The following CASD1 variants were observed in gnomAD, a reference collection of about 807,000 sequenced individuals.
CASD1 encodes the protein N-acetylneuraminate (7)9-O-acetyltransferase.
CASD1 carries 41 observed loss-of-function variants against 100.0 expected under a neutral mutation model. The ratio of observed to expected loss-of-function variants is 0.41; its 90% CI spans 0.32 to 0.53. The LOEUF (loss-of-function observed/expected upper bound fraction) is 0.53, where lower values mean the gene tolerates loss of function less well. Ranked by LOEUF, CASD1 falls within the 20% of genes least tolerant of loss-of-function variation. The pLI is 0.25. For missense variants in CASD1, 774 were observed against 948.7 expected, an observed-to-expected ratio of 0.82 and a Z score of 2.42; for synonymous variants, 321 against 315.6, an observed-to-expected ratio of 1.02 and a Z score of -0.18.
chr7:94,569,806 C>G, the CASD1 span, among the ~76,000 whole-genome samples: 1 of 148,988 alleles, frequency 6.7e-6, no homozygotes, highest in East Asian at 2.0e-4. Context: ...TTCTACCAAT[C>G]TCTGACTTTT....
At chr7:94,608,214 C>T in the CASD1 span, among the ~76,000 whole-genome samples, 2 of 152,138 alleles carry the variant, frequency 1.3e-5, no homozygotes, top group East Asian at 1.9e-4. Flanking sequence ...TGGTGGCACA[C>T]GCCTGTAGTC....
intron 3 of CASD1, among the ~76,000 whole-genome samples, chr7:94,520,427 T>G (rs192661108): frequency 1.3e-5 from 2 of 152,306 alleles, no homozygotes; most frequent in Admixed American, 1.3e-4. Context: ...AGAGGTGAAT[T>G]TTTTCAAATT....
At chr7:94,512,330 G>A (rs1248128120) in intron 1 of CASD1, among the ~76,000 whole-genome samples, 1 of 152,158 alleles carries the variant, frequency 6.6e-6, no homozygotes, top group African/African-American at 2.4e-5. Context: ...AAGCCATCCT[G>A]GGCCTCCAGC....
At chr7:94,561,285 A>G (rs1166642164), downstream of CASD1, among the ~76,000 whole-genome samples, 4 of 152,176 alleles carry the variant, frequency 2.6e-5, no homozygotes, top group Non-Finnish European at 5.9e-5. Flanking sequence ...GAGAGCTCTT[A>G]TAGTTTAGAA....
At chr7:94,619,328 G>A in the CASD1 span, 13 of 175,084 alleles carry the variant, frequency 7.4e-5, no homozygotes, top group Non-Finnish European at 1.6e-4. Context: ...TCAATTATAT[G>A]TCCAAAAGGA....
At chr7:94,510,304 G>A in intron 1 of CASD1, 87 bp downstream of exon 1, 1 of 1,013,974 alleles carries the variant, frequency 9.9e-7, no homozygotes, top group Non-Finnish European at 1.3e-6. Flanking sequence ...CCCAACACAC[G>A]CCCACGCGGC....
At chr7:94,594,769 T>C in the CASD1 span, among the ~76,000 whole-genome samples, 1 of 152,130 alleles carries the variant, frequency 6.6e-6, no homozygotes, top group African/African-American at 2.4e-5. Context: ...AATAAAAAGT[T>C]TATTAAAGAA....
At chr7:94,525,011 A>G (rs951978033) in intron 3 of CASD1, among the ~76,000 whole-genome samples, 2 of 152,108 alleles carry the variant, frequency 1.3e-5, no homozygotes, top group African/African-American at 4.8e-5. Flanking sequence ...TATGTAAGAG[A>G]ACGTTCGTGT....
At chr7:94,561,202 C>T (rs887134404), downstream of CASD1, among the ~76,000 whole-genome samples, 59 of 151,990 alleles carry the variant, frequency 3.9e-4, no homozygotes, top group African/African-American at 1.3e-3. Flanking sequence ...GCCGAGATCA[C>T]GCTATTGCAC....
chr7:94,605,442 A>G, the CASD1 span, among the ~76,000 whole-genome samples: 1 of 152,258 alleles, frequency 6.6e-6, no homozygotes, highest in Non-Finnish European at 1.5e-5. Context: ...CAATCTATTC[A>G]CCATATATCC....
chr7:94,629,593 AATTTATCACATATTTAGACC>A, the CASD1 span: 1 of 861,976 alleles, frequency 1.2e-6, no homozygotes, highest in South Asian at 1.5e-5. Flanking sequence ...ATCCTACAAC[AATTTATCACATATTTAGACC>A]ATTTGAAATA....
At chr7:94,544,664 T>G in intron 11 of CASD1, 134 bp downstream of exon 11, 19 of 839,618 alleles carry the variant, frequency 2.3e-5, no homozygotes, top group Non-Finnish European at 3.3e-5. Flanking sequence ...CACTGTGAAG[T>G]TGTATTCTGT....
rs1477530756 is a variant in CASD1 at position 94,509,994 on chromosome 7, C to A, written c.-91C>A. 1 of 1,283,068 alleles carries A rather than the reference C, an allele frequency of 7.8e-7. No individual in the cohort carries two copies. Among genetic ancestry groups the A allele is most frequent in the Non-Finnish European group, 1.0e-6 (1 of 1,002,834 alleles). 79.5% of individuals were successfully genotyped at this position (1,283,068 alleles called of 1,614,324 possible). A position where few individuals can be genotyped will look rare whatever the true frequency, so the allele number is the denominator to read the frequency against. On this transcript the variant is annotated 5_prime_UTR_variant, in exon 1 of 18. Coordinates refer to ENST00000297273, the MANE Select transcript of CASD1 (RefSeq NM_022900.5). ...GCCTGGGGAGCTGGCGGCCGCTCCT[C>A]GCCTGGCTGCAGCGGCGGCAGCCCC...
At chr7:94,535,545 C>T (rs781233390) in intron 8 of CASD1, 22 bp downstream of exon 8, 1 of 1,509,072 alleles carries the variant, frequency 6.6e-7, no homozygotes, top group Non-Finnish European at 9.2e-7. Flanking sequence ...TTACATATGT[C>T]AGTAGATGGA....
the CASD1 span, among the ~76,000 whole-genome samples, chr7:94,605,598 T>C: frequency 6.6e-6 from 1 of 152,136 alleles, no homozygotes; most frequent in African/African-American, 2.4e-5. Flanking sequence ...TGTAGTGTTA[T>C]TTGAAAGTGA....
chr7:94,514,606 T>C (rs1226418890), intron 1 of CASD1, among the ~76,000 whole-genome samples: 1 of 152,208 alleles, frequency 6.6e-6, no homozygotes, highest in African/African-American at 2.4e-5. Flanking sequence ...TGTTTGCTTT[T>C]AAGTATTTTT....
chr7:94,570,786 G>A, the CASD1 span, among the ~76,000 whole-genome samples: 3 of 152,126 alleles, frequency 2.0e-5, no homozygotes, highest in African/African-American at 7.2e-5. Context: ...TGAGTCACAT[G>A]TCCAGCCCAT....
chr7:94,624,279 T>C, the CASD1 span: 2 of 397,934 alleles, frequency 5.0e-6, no homozygotes, highest in Non-Finnish European at 8.9e-6. Flanking sequence ...TAAAACTGAC[T>C]TCAACTAAAA....
chr7:94,562,774 TATG>T, the CASD1 span, among the ~76,000 whole-genome samples: 4 of 152,170 alleles, frequency 2.6e-5, no homozygotes, highest in African/African-American at 9.7e-5. Flanking sequence ...CACTTGCCCT[TATG>T]ACGTAGCAAT....
Sources: allele counts gnomAD v4.1 joint callset (sites outside exome capture counted in the v4.1 genomes callset), GRCh38; gene constraint gnomAD v4.1.1; transcripts MANE v1.5; gene names NCBI Gene and HGNC (gene_info 2026-07-23, HGNC 2026-07-21).